Variants in UTP23 observed in about 807,000 individuals in gnomAD.
UTP23 encodes the protein UTP23 small subunit processome component.
UTP23 carries 10 observed loss-of-function variants against 19.8 expected under a neutral mutation model. The ratio of observed to expected loss-of-function variants is 0.50; its 90% CI spans 0.31 to 0.86. The LOEUF is 0.86. Ranked by LOEUF, UTP23 falls within the 40% of genes least tolerant of loss-of-function variation. The pLI is 0.05. For missense variants in UTP23, 282 were observed against 293.1 expected, an observed-to-expected ratio of 0.96 and a Z score of 0.28; for synonymous variants, 108 against 105.4, an observed-to-expected ratio of 1.02 and a Z score of -0.15.
chr8:116,772,302 T>C lies in UTP23; in HGVS notation c.*460T>C. 2 of 985,638 alleles carry C rather than the reference T, an allele frequency of 2.0e-6. No homozygotes were observed. The highest frequency in any genetic ancestry group is 1.2e-6 in the Non-Finnish European group (1 of 830,068). The allele number at this position is 985,638 out of a possible 1,614,324, so 61.1% of individuals were successfully genotyped here. ...TCGCCTCTCTGGTCCCATTCCCACC[T>C]TCAAACATTATATGCAAACAGTTTT... On this transcript the variant is annotated 3_prime_UTR_variant, in exon 3 of 3. Transcript: ENST00000309822.
In UTP23 at chr8:116,774,568, T is replaced by C. The variant is rs1471437834; in HGVS notation, c.*2726T>C. On this transcript the variant is annotated 3_prime_UTR_variant, in exon 3 of 3. Coordinates refer to ENST00000309822, the MANE Select transcript of UTP23 (RefSeq NM_032334.3). ...ATATAGGTATATACACATATGTATA[T>C]ATACATAGTCTATATATTCTATATA... The C allele has an allele frequency of 4.6e-6, 3 of 648,390 alleles. No individual in the cohort carries two copies. The highest frequency in any genetic ancestry group is 6.4e-5 in the Admixed American group (1 of 15,642). The allele number at this position is 648,390 out of a possible 1,614,324, so 40.2% of individuals were successfully genotyped here. A position where few individuals can be genotyped will look rare whatever the true frequency, so the allele number is the denominator to read the frequency against.
chr8:116,766,968 G>C (rs1341602110), intron 1 of UTP23, 177 bp downstream of exon 1: 2 of 602,484 alleles, frequency 3.3e-6, no homozygotes, highest in Non-Finnish European at 5.6e-6. Context: ...AATAGAGGCA[G>C]ATTGGACAGT....
chr8:116,774,075 T>G lies in UTP23; in HGVS notation c.*2233T>G. Reference sequence around the variant, plus strand: ...TCTGTGGTTTGGAAAAAGAAAATGTTAACCTCTGCTTTAGAGGGTAGCTAC... The same window carrying G: ...TCTGTGGTTTGGAAAAAGAAAATGTGAACCTCTGCTTTAGAGGGTAGCTAC... On this transcript the variant is annotated 3_prime_UTR_variant, in exon 3 of 3. Transcript: ENST00000309822. 3 of 985,390 alleles carry G rather than the reference T, an allele frequency of 3.0e-6. No homozygotes were observed. Among genetic ancestry groups the G allele is most frequent in the Non-Finnish European group, 3.6e-6 (3 of 829,924 alleles). 61.0% of individuals were successfully genotyped at this position (985,390 alleles called of 1,614,324 possible). A position where few individuals can be genotyped will look rare whatever the true frequency, so the allele number is the denominator to read the frequency against.
intron 1 of UTP23, 165 bp downstream of exon 1, chr8:116,766,956 A>G (rs1815590951): frequency 1.1e-5 from 7 of 649,914 alleles, no homozygotes; most frequent in South Asian, 1.0e-4. Flanking sequence ...GCGAATACCT[A>G]TAATAGAGGC....
rs1815685327 is a variant in UTP23 at position 116,773,455 on chromosome 8, A to G, written c.*1613A>G. Reference sequence around the variant, plus strand: ...AATAGCATCTGAACTGGAGAGCTGGAAAAATCCACTTTTTTATGAAGCAGT... The same window carrying G: ...AATAGCATCTGAACTGGAGAGCTGGGAAAATCCACTTTTTTATGAAGCAGT... On this transcript the variant is annotated 3_prime_UTR_variant, in exon 3 of 3. Coordinates refer to ENST00000309822, the MANE Select transcript of UTP23 (RefSeq NM_032334.3). 6 of 983,740 alleles carry G rather than the reference A, an allele frequency of 6.1e-6. No individual in the cohort carries two copies. In the South Asian group the frequency reaches 1.9e-4, roughly 31 times the overall value. The allele number at this position is 983,740 out of a possible 1,614,324, so 60.9% of individuals were successfully genotyped here.
At chr8:116,768,923 C>G (rs1815618208) in intron 1 of UTP23, among the ~76,000 whole-genome samples, 1 of 152,200 alleles carries the variant, frequency 6.6e-6, no homozygotes, top group South Asian at 2.1e-4. Flanking sequence ...ACCTCGGCCC[C>G]CAAAGCATGG....
intron 1 of UTP23, 80 bp downstream of exon 1, chr8:116,766,871 A>T: frequency 1.5e-6 from 2 of 1,352,612 alleles, no homozygotes; most frequent in Non-Finnish European, 2.0e-6. Flanking sequence ...ACAGACCTTC[A>T]TTGCGAGCTC....
chr8:116,774,524 C>T lies in UTP23; in HGVS notation c.*2682C>T, dbSNP rs1312863491. 4.0e-6 allele frequency: 3 copies of T among 752,944 alleles called. No individual in the cohort carries two copies. In the East Asian group the frequency reaches 3.9e-4, roughly 97 times the overall value. 46.6% of individuals were successfully genotyped at this position (752,944 alleles called of 1,614,324 possible). A position where few individuals can be genotyped will look rare whatever the true frequency, so the allele number is the denominator to read the frequency against. ...ACATTATTCCCAATTAGTTTTATATCTCCAAGATATATATATGTATATAGG... is the reference window on the plus strand; with the variant it reads ...ACATTATTCCCAATTAGTTTTATATTTCCAAGATATATATATGTATATAGG... On this transcript the variant is annotated 3_prime_UTR_variant, in exon 3 of 3. Transcript: ENST00000309822.
Position 116,773,124 on chromosome 8 carries a change from G to A in UTP23, c.*1282G>A, listed in dbSNP as rs1435829736. The A allele has an allele frequency of 1.5e-5, 15 of 985,288 alleles. No individual in the cohort carries two copies. The highest frequency in any genetic ancestry group is 7.0e-5 in the African/African-American group (4 of 57,218). The allele number at this position is 985,288 out of a possible 1,614,324, so 61.0% of individuals were successfully genotyped here. ...ATAGCTTTACACCAAGGAGTGACAC[G>A]TAGACTAATCTGGCAAGCCAAGGTA... On this transcript the variant is annotated 3_prime_UTR_variant, in exon 3 of 3. Transcript: ENST00000309822.
chr8:116,766,721 C>A lies in UTP23; in HGVS notation c.118C>A (p.Arg40=), dbSNP rs1303810434. Residue 40 remains arginine (R), a synonymous_variant, in exon 1 of 3, where the codon CGG becomes AGG. Transcript: ENST00000309822. ...CGGCACCTTCTGTCAGGCGGCGCTG[C>A]GGGGCCGCATCCAGCTGCGGGAGCA... ...LDGTFCQAAL[R]GRIQLREQLP... 4.3e-6 allele frequency: 7 copies of A among 1,609,718 alleles called. No homozygotes were observed. The African/African-American group carries it at 9.4e-5, about 22-fold the overall frequency.
At chr8:116,770,407 C>G (rs1166596672) in intron 2 of UTP23, 41 bp downstream of exon 2, 1 of 1,552,132 alleles carries the variant, frequency 6.4e-7, no homozygotes, top group Non-Finnish European at 8.8e-7. Context: ...TTCACCATTT[C>G]TATTTATACT....
intron 1 of UTP23, 73 bp from the exon 2 acceptor site, chr8:116,770,119 G>GA: frequency 1.4e-6 from 2 of 1,383,634 alleles, no homozygotes; most frequent in Non-Finnish European, 1.9e-6. Flanking sequence ...TTTATTTTAA[G>GA]AAAAAATCGA....
intron 1 of UTP23, 85 bp downstream of exon 1, chr8:116,766,876 G>T: frequency 1.5e-6 from 2 of 1,338,894 alleles, no homozygotes; most frequent in South Asian, 3.0e-5. Flanking sequence ...CCTTCATTGC[G>T]AGCTCAGGAG....
At position 116,766,677 on chromosome 8, in the gene UTP23, C is replaced by T; in HGVS notation, c.74C>T (p.Pro25Leu). The T allele has an allele frequency of 2.5e-6, 4 of 1,613,702 alleles. No individual in the cohort carries two copies. The highest frequency in any genetic ancestry group is 2.5e-6 in the Non-Finnish European group (3 of 1,179,860). Residue 25 changes from proline (P) to leucine (L), a missense_variant, in exon 1 of 3, where the codon CCG becomes CTG. Transcript: ENST00000309822. Reference sequence around the variant, plus strand: ...CGCAACAACTTCGGAGTCCGCGAGCCGTACCAGATCCTGCTGGACGGCACC... The same window carrying T: ...CGCAACAACTTCGGAGTCCGCGAGCTGTACCAGATCCTGCTGGACGGCACC... ...FFRNNFGVREPYQILLDGTFC... is the reference protein window; with the variant it reads ...FFRNNFGVRELYQILLDGTFC...
chr8:116,771,744 C>A lies in UTP23; in HGVS notation c.652C>A (p.Gln218Lys), dbSNP rs760544454. The A allele has an allele frequency of 6.2e-7, 1 of 1,610,712 alleles. No homozygotes were observed. The highest frequency in any genetic ancestry group is 1.1e-5 in the South Asian group (1 of 90,294). Residue 218 changes from glutamine to lysine, a missense_variant, in exon 3 of 3, where the codon CAA becomes AAA. Gln to Lys is a moderately conservative substitution (Grantham distance 53). Coordinates refer to ENST00000309822, the MANE Select transcript of UTP23 (RefSeq NM_032334.3). ...GAAAAAGAAAAAGGCACCGGACACA[C>A]AATCATCTGCTTCTGAAAAGAAAAG... is the stretch of plus-strand genomic sequence containing the variant. The part of the protein sequence containing the change: ...LKKKKKAPDT[Q>K]SSASEKKRKR...
At chr8:116,768,122 A>C (rs1355152577) in intron 1 of UTP23, among the ~76,000 whole-genome samples, 1 of 152,096 alleles carries the variant, frequency 6.6e-6, no homozygotes, top group South Asian at 2.1e-4. Context: ...CCTTTTCCTC[A>C]CATACGATTA....
chr8:116,773,364 A>G lies in UTP23; in HGVS notation c.*1522A>G. The G allele has an allele frequency of 1.0e-6, 1 of 978,700 alleles. No homozygotes were observed. Among genetic ancestry groups the G allele is most frequent in the Non-Finnish European group, 1.2e-6 (1 of 823,794 alleles). The allele number at this position is 978,700 out of a possible 1,614,324, so 60.6% of individuals were successfully genotyped here. On this transcript the variant is annotated 3_prime_UTR_variant, in exon 3 of 3. Transcript: ENST00000309822. The stretch of plus-strand genomic sequence containing the variant: ...ATGATACTCATTTCAATATGCTAAA[A>G]TACATTAAATTTAGGTATTACTCTT...
chr8:116,767,376 C>T (rs1305251890), intron 1 of UTP23, among the ~76,000 whole-genome samples: 1 of 152,192 alleles, frequency 6.6e-6, no homozygotes, highest in African/African-American at 2.4e-5. Context: ...TTATTCAACT[C>T]GCTTTATTAA....
In UTP23 at chr8:116,774,524, C is replaced by A; in HGVS notation, c.*2682C>A. ...ACATTATTCCCAATTAGTTTTATAT[C>A]TCCAAGATATATATATGTATATAGG... On this transcript the variant is annotated 3_prime_UTR_variant, in exon 3 of 3. Transcript: ENST00000309822. 2.7e-6 allele frequency: 2 copies of A among 752,942 alleles called. No individual in the cohort carries two copies. The highest frequency in any genetic ancestry group is 3.2e-6 in the Non-Finnish European group (2 of 619,072). The allele number at this position is 752,942 out of a possible 1,614,324, so 46.6% of individuals were successfully genotyped here. A position where few individuals can be genotyped will look rare whatever the true frequency, so the allele number is the denominator to read the frequency against.
Sources: gnomAD v4.1 joint callset for allele counts (sites outside exome capture counted in the v4.1 genomes callset) on GRCh38, gnomAD v4.1.1 for gene constraint, MANE v1.5 for transcripts, NCBI Gene and HGNC (gene_info 2026-07-23, HGNC 2026-07-21) for gene names.